Variants in ULK4 observed in about 807,000 individuals in gnomAD.
The protein encoded by ULK4 is inactive serine/threonine-protein kinase ULK4.
Under a neutral mutation model 160.6 loss-of-function variants are expected in ULK4, and 133 were observed. That is an observed-to-expected ratio of 0.83 (90% CI 0.72 to 0.96). The LOEUF (loss-of-function observed/expected upper bound fraction) is 0.96. Among genes scored for constraint, ULK4 ranks in the 40% least tolerant of loss-of-function variants. The pLI is 0.00. For synonymous variants in ULK4, 534 were observed against 539.8 expected (o/e 0.99, Z 0.15); for missense variants, 1,580 against 1,499.5 (o/e 1.05, Z -0.89).
At chr3:41,531,269 G>A (rs1428253550) in intron 32 of ULK4, among the ~76,000 whole-genome samples, 2 of 150,666 alleles carry the variant, frequency 1.3e-5, no homozygotes, top group Non-Finnish European at 3.0e-5. Flanking sequence ...GTGAAACCCT[G>A]TCTCTACTAA....
chr3:41,480,966 A>C (rs898730643), intron 32 of ULK4, among the ~76,000 whole-genome samples: 4 of 152,216 alleles, frequency 2.6e-5, no homozygotes, highest in African/African-American at 9.6e-5. Flanking sequence ...CCCTCCCATG[A>C]CATGTGGGGA....
intron 12 of ULK4, among the ~76,000 whole-genome samples, chr3:41,906,122 C>T (rs1438442175): frequency 4.2e-5 from 6 of 141,232 alleles, no homozygotes; most frequent in Non-Finnish European, 9.0e-5. Flanking sequence ...GAGGCTGAGG[C>T]GGGAGAATGG....
At chr3:41,802,774 T>C (rs553307356) in intron 19 of ULK4, among the ~76,000 whole-genome samples, 81 of 152,212 alleles carry the variant, frequency 5.3e-4, no homozygotes, top group Admixed American at 2.1e-3. Context: ...AAGGTTCTGA[T>C]ACAAAGTTCT....
chr3:41,872,936 C>T (rs1042935554), intron 17 of ULK4, among the ~76,000 whole-genome samples: 6 of 151,968 alleles, frequency 3.9e-5, no homozygotes, highest in East Asian at 1.9e-4. Context: ...GGGTGGATCA[C>T]GAGGTCAGGA....
intron 30 of ULK4, among the ~76,000 whole-genome samples, chr3:41,643,460 A>G (rs915438992): frequency 6.6e-6 from 1 of 152,178 alleles, no homozygotes; most frequent in African/African-American, 2.4e-5. Context: ...TCCTTTCCCC[A>G]TTGCTTCCTT....
At chr3:41,681,465 T>G (rs1443232756) in intron 29 of ULK4, 43 bp downstream of exon 29, 2 of 1,607,084 alleles carry the variant, frequency 1.2e-6, no homozygotes, top group African/African-American at 2.7e-5. Flanking sequence ...GCTTCCTGGA[T>G]AGCCTACACT....
intron 2 of ULK4, among the ~76,000 whole-genome samples, chr3:41,947,546 T>A (rs1000135002): frequency 3.9e-5 from 6 of 152,244 alleles, no homozygotes; most frequent in Middle Eastern, 3.4e-3. Flanking sequence ...ATCCAACAGA[T>A]CTGAACCAAC....
At chr3:41,502,792 T>G (rs903648) in intron 32 of ULK4, among the ~76,000 whole-genome samples, 127,799 of 152,118 alleles carry the variant, frequency 0.84, 54,976 homozygotes, top group Non-Finnish European at 0.94. Context: ...GTGGGAGGGG[T>G]TGAGGGAATT....
chr3:41,743,192 C>A (rs1249360816), intron 22 of ULK4, among the ~76,000 whole-genome samples: 1 of 151,756 alleles, frequency 6.6e-6, no homozygotes, highest in Non-Finnish European at 1.5e-5. Context: ...ACTTCTAACT[C>A]CTAAAAGCAA....
chr3:41,725,797 G>A (rs1204046437), intron 22 of ULK4, among the ~76,000 whole-genome samples: 1 of 152,084 alleles, frequency 6.6e-6, no homozygotes, highest in African/African-American at 2.4e-5. Context: ...ATACTCTGAG[G>A]CCTAGGGTTA....
intron 22 of ULK4, among the ~76,000 whole-genome samples, chr3:41,749,118 A>C (rs559044304): frequency 5.9e-5 from 9 of 152,378 alleles, no homozygotes; most frequent in African/African-American, 1.9e-4. Context: ...ATACTCATAT[A>C]ACCATTCTGC....
In ULK4 at chr3:41,681,824, A is replaced by G. The variant is rs776126213; in HGVS notation, c.2782-20T>C. Reference sequence around the variant, plus strand: ...AACAACCTAAAAGAAAGCATGTAAAAGACTCAGAATCTCTATGAACACAAA... The same window carrying G: ...AACAACCTAAAAGAAAGCATGTAAAGGACTCAGAATCTCTATGAACACAAA... On this transcript the variant is annotated intron_variant, in intron 27 of 36. Transcript: ENST00000301831. The G allele has an allele frequency of 6.2e-7, 1 of 1,613,684 alleles. No individual in the cohort carries two copies. The highest frequency in any genetic ancestry group is 1.7e-5 in the Admixed American group (1 of 59,990).
chr3:41,868,615 A>G (rs1336164253), intron 17 of ULK4, among the ~76,000 whole-genome samples: 2 of 151,996 alleles, frequency 1.3e-5, no homozygotes, highest in African/African-American at 4.8e-5. Flanking sequence ...AGCCTCCCAA[A>G]TAGCTGCAAT....
chr3:41,715,341 A>G (rs1405121121), intron 24 of ULK4, 48 bp from the exon 25 acceptor site: 1 of 1,610,864 alleles, frequency 6.2e-7, no homozygotes, highest in Non-Finnish European at 8.5e-7. Flanking sequence ...GCTATGTACA[A>G]CGTTAGCTCA....
At chr3:41,889,556 G>T (rs189913668) in intron 16 of ULK4, among the ~76,000 whole-genome samples, 1 of 152,176 alleles carries the variant, frequency 6.6e-6, no homozygotes, top group East Asian at 1.9e-4. Flanking sequence ...GTGGGAGGAG[G>T]GAGAGGATCA....
rs372493320 is a variant in ULK4, at chr3:41,395,499, T to TA, written c.3678+2579dup. On this transcript the variant is annotated intron_variant, in intron 35 of 36. Transcript: ENST00000301831. The stretch of plus-strand genomic sequence containing the variant: ...ATCATGAATTAACCTTGAAGCCACA[T>TA]ACCAAGTGAAACAAGCCAGACATAA... Among the ~76,000 whole-genome samples the TA allele has an allele frequency of 2.4e-3, 361 of 152,224 alleles. 2 individuals carry two copies. The highest frequency in any genetic ancestry group is 8.0e-3 in the African/African-American group (333 of 41,552).
intron 29 of ULK4, among the ~76,000 whole-genome samples, chr3:41,677,332 A>ATTT (rs199498760): frequency 2.3e-5 from 3 of 128,512 alleles, no homozygotes; most frequent in Non-Finnish European, 5.1e-5. Flanking sequence ...AAGTTCATTC[A>ATTT]TTTTTTTTTT....
At chr3:41,790,145 C>T (rs898616872) in intron 20 of ULK4, among the ~76,000 whole-genome samples, 1 of 152,160 alleles carries the variant, frequency 6.6e-6, no homozygotes. Flanking sequence ...CATTATCAAA[C>T]ACCTGCAGAC....
At chr3:41,310,927 AG>A (rs1285901294) in intron 35 of ULK4, among the ~76,000 whole-genome samples, 1 of 152,046 alleles carries the variant, frequency 6.6e-6, no homozygotes, top group Non-Finnish European at 1.5e-5. Flanking sequence ...CGGGAAGTTG[AG>A]GCTGCAGTGA....
Sources: allele counts gnomAD v4.1 joint callset (sites outside exome capture counted in the v4.1 genomes callset), GRCh38; gene constraint gnomAD v4.1.1; transcripts MANE v1.5; gene names NCBI Gene and HGNC (gene_info 2026-07-23, HGNC 2026-07-21).